KCND2: variants seen among roughly 807,000 people sequenced by gnomAD.
KCND2 encodes the protein A-type voltage-gated potassium channel KCND2.
KCND2 carries 16 observed loss-of-function variants against 54.4 expected under a neutral mutation model. That is an observed-to-expected ratio of 0.29 (90% CI 0.20 to 0.45). The LOEUF (loss-of-function observed/expected upper bound fraction) is 0.45. KCND2 is among the 20% of genes least tolerant of loss of function. The probability of loss-of-function intolerance (pLI) is 1.00; values close to 1 mark genes in which losing one functional copy is unlikely to be tolerated. For synonymous variants in KCND2, 317 were observed against 310.7 expected (o/e 1.02, Z -0.21); for missense variants, 486 against 824.2 (o/e 0.59, Z 5.02).
At chr7:120,360,850 A>G (rs1287501897) in intron 1 of KCND2, among the ~76,000 whole-genome samples, 1 of 152,114 alleles carries the variant, frequency 6.6e-6, no homozygotes, top group Non-Finnish European at 1.5e-5. Flanking sequence ...ATAGACTTTT[A>G]CTTATTTACT....
At chr7:120,680,570 C>T (rs1463610633) in intron 1 of KCND2, among the ~76,000 whole-genome samples, 1 of 152,178 alleles carries the variant, frequency 6.6e-6, no homozygotes, top group Non-Finnish European at 1.5e-5. Context: ...GTCATGTTAG[C>T]GAGGCCTTCT....
chr7:120,289,037 AACACACACAC>A (rs763897007), intron 1 of KCND2, among the ~76,000 whole-genome samples: 3 of 62,160 alleles, frequency 4.8e-5, no homozygotes, highest in African/African-American at 1.0e-4. Flanking sequence ...CAGAGACACA[AACACACACAC>A]ACACACACAC....
At chr7:120,397,772 A>G (rs1030243606) in intron 1 of KCND2, among the ~76,000 whole-genome samples, 3 of 151,546 alleles carry the variant, frequency 2.0e-5, no homozygotes, top group Non-Finnish European at 4.4e-5. Context: ...ATTTTTCTAT[A>G]TTGTCATATT....
At chr7:120,742,888 A>G (rs914540752) in intron 4 of KCND2, among the ~76,000 whole-genome samples, 2 of 152,284 alleles carry the variant, frequency 1.3e-5, no homozygotes, top group Middle Eastern at 3.4e-3. Context: ...TGGTCTTCCA[A>G]TAGTAAATCC....
At chr7:120,534,044 T>A (rs1791873817) in intron 1 of KCND2, among the ~76,000 whole-genome samples, 1 of 151,172 alleles carries the variant, frequency 6.6e-6, no homozygotes, top group African/African-American at 2.4e-5. Context: ...AAAATGGATA[T>A]TAGGAATTTT....
intron 1 of KCND2, among the ~76,000 whole-genome samples, chr7:120,531,411 A>G (rs771066007): frequency 7.9e-5 from 12 of 152,064 alleles, no homozygotes; most frequent in African/African-American, 2.2e-4. Flanking sequence ...ACTACATCCC[A>G]TCTGTTCCAT....
intron 1 of KCND2, among the ~76,000 whole-genome samples, chr7:120,278,092 A>G (rs896519600): frequency 6.6e-6 from 1 of 152,042 alleles, no homozygotes; most frequent in Admixed American, 6.6e-5. Flanking sequence ...AAATGAGAAC[A>G]TATATGGACA....
intron 2 of KCND2, among the ~76,000 whole-genome samples, chr7:120,737,462 CA>C (rs1792889951): frequency 6.6e-6 from 1 of 151,966 alleles, no homozygotes; most frequent in South Asian, 2.1e-4. Context: ...GTAGACCTCT[CA>C]TTGCTTAGCC....
At chr7:120,497,100 G>A (rs992943221) in intron 1 of KCND2, among the ~76,000 whole-genome samples, 1 of 152,130 alleles carries the variant, frequency 6.6e-6, no homozygotes, top group Non-Finnish European at 1.5e-5. Flanking sequence ...GTTATGTGTA[G>A]CATATAAAAA....
In KCND2 at chr7:120,561,195, G is replaced by A. The variant is rs62469866; in HGVS notation, c.1116-171708G>A. ...AATTTATTTATGACTTAACAGCATT[G>A]AGAGCTTACTCTGCATTCAGCACTG... is the stretch of plus-strand genomic sequence containing the variant. On this transcript the variant is annotated intron_variant, in intron 1 of 5. Coordinates refer to ENST00000331113, the MANE Select transcript of KCND2 (RefSeq NM_012281.3). Among the ~76,000 whole-genome samples, 724 of 152,224 alleles carry A rather than the reference G, an allele frequency of 4.8e-3. 4 individuals carry two copies. Among genetic ancestry groups the A allele is most frequent in the Non-Finnish European group, 8.3e-3 (562 of 68,012 alleles).
intron 1 of KCND2, among the ~76,000 whole-genome samples, chr7:120,534,618 T>G (rs1194580243): frequency 6.6e-6 from 1 of 152,164 alleles, no homozygotes; most frequent in African/African-American, 2.4e-5. Flanking sequence ...GTTTTTTCAG[T>G]TGATAGCAAT....
intron 1 of KCND2, among the ~76,000 whole-genome samples, chr7:120,466,571 A>ACT (rs890433942): frequency 4.6e-5 from 7 of 150,928 alleles, no homozygotes; most frequent in African/African-American, 1.2e-4. Context: ...TGCTTCCTTT[A>ACT]CTCTCTCTCT....
intron 1 of KCND2, among the ~76,000 whole-genome samples, chr7:120,661,874 T>C (rs1791869980): frequency 6.6e-6 from 1 of 152,150 alleles, no homozygotes; most frequent in African/African-American, 2.4e-5. Flanking sequence ...CATTTTGACA[T>C]TAGGATAACA....
chr7:120,401,421 T>A (rs1801252420), intron 1 of KCND2, among the ~76,000 whole-genome samples: 1 of 152,184 alleles, frequency 6.6e-6, no homozygotes, highest in Non-Finnish European at 1.5e-5. Flanking sequence ...CTAAAACATT[T>A]ATACTTTCTA....
At chr7:120,691,060 G>A (rs1300104891) in intron 1 of KCND2, among the ~76,000 whole-genome samples, 19 of 151,956 alleles carry the variant, frequency 1.3e-4, no homozygotes, top group Admixed American at 1.2e-3. Flanking sequence ...TCCTGAAGCA[G>A]TAGCATGTAT....
intron 1 of KCND2, among the ~76,000 whole-genome samples, chr7:120,534,359 C>T (rs1791877236): frequency 6.6e-6 from 1 of 152,120 alleles, no homozygotes; most frequent in Non-Finnish European, 1.5e-5. Context: ...CCCGGTTCAT[C>T]CTCCTTACCT....
chr7:120,417,914 G>A (rs1301327873), intron 1 of KCND2, among the ~76,000 whole-genome samples: 4 of 151,890 alleles, frequency 2.6e-5, no homozygotes, highest in Non-Finnish European at 5.9e-5. Flanking sequence ...TTTAACAATA[G>A]GCATTCTAGA....
chr7:120,368,822 A>G (rs1490675160), intron 1 of KCND2, among the ~76,000 whole-genome samples: 1 of 152,138 alleles, frequency 6.6e-6, no homozygotes, highest in Non-Finnish European at 1.5e-5. Flanking sequence ...TAAGGATTTC[A>G]TGTAGGATAA....
intron 1 of KCND2, among the ~76,000 whole-genome samples, chr7:120,652,027 A>G (rs1384824572): frequency 6.6e-6 from 1 of 152,146 alleles, no homozygotes; most frequent in Non-Finnish European, 1.5e-5. Flanking sequence ...TGCCTTCCAA[A>G]TGAACCAAAA....
Sources: allele counts gnomAD v4.1 joint callset (sites outside exome capture counted in the v4.1 genomes callset), GRCh38; gene constraint gnomAD v4.1.1; transcripts MANE v1.5; gene names NCBI Gene and HGNC (gene_info 2026-07-23, HGNC 2026-07-21).